TMEM135: variants seen among roughly 807,000 people sequenced by gnomAD.
The protein encoded by TMEM135 is transmembrane protein 135, also known as peroxisomal membrane protein 52.
A neutral mutation model predicts 60.3 loss-of-function variants in TMEM135; 30 were observed. That is an observed-to-expected ratio of 0.50 (90% CI 0.37 to 0.68). The LOEUF (loss-of-function observed/expected upper bound fraction) is 0.68. TMEM135 is among the 30% of genes least tolerant of loss of function. TMEM135 has a pLI of 0.00. For synonymous variants in TMEM135, 190 were observed against 186.7 expected (o/e 1.02, Z -0.14); for missense variants, 468 against 548.8 (o/e 0.85, Z 1.47).
intron 10 of TMEM135, among the ~76,000 whole-genome samples, chr11:87,313,155 T>A (rs1417460225): frequency 2.0e-5 from 3 of 151,902 alleles, no homozygotes; most frequent in Non-Finnish European, 4.4e-5. Flanking sequence ...ATTCGATAGC[T>A]AGGCAAAAGT....
chr11:87,092,523 A>G (rs772992974), intron 4 of TMEM135, among the ~76,000 whole-genome samples: 4 of 152,202 alleles, frequency 2.6e-5, no homozygotes, highest in Non-Finnish European at 5.9e-5. Context: ...AAGTAAATTT[A>G]TTTTAAAATA....
At chr11:87,050,373 C>A (rs1949830163) in intron 1 of TMEM135, among the ~76,000 whole-genome samples, 1 of 57,464 alleles carries the variant, frequency 1.7e-5, no homozygotes, top group African/African-American at 1.3e-4. Flanking sequence ...TCAATGAATC[C>A]AGGAGCTGGT....
At chr11:87,309,835 A>G (rs560684697) in intron 10 of TMEM135, among the ~76,000 whole-genome samples, 163 bp downstream of exon 10, 1 of 152,300 alleles carries the variant, frequency 6.6e-6, no homozygotes, top group African/African-American at 2.4e-5. Context: ...AAGTGAGGGT[A>G]CAGAAATTTC....
intron 6 of TMEM135, among the ~76,000 whole-genome samples, chr11:87,284,870 A>G (rs1379832518): frequency 6.6e-6 from 1 of 152,226 alleles, no homozygotes. Context: ...TTCTCATACT[A>G]AGTGCCATAT....
At chr11:87,163,207 T>G (rs1938939407) in intron 5 of TMEM135, among the ~76,000 whole-genome samples, 1 of 116,890 alleles carries the variant, frequency 8.6e-6, no homozygotes. Context: ...CCCACCACAG[T>G]CCCCGGAGTG....
At chr11:87,227,953 C>T (rs531609530) in intron 5 of TMEM135, among the ~76,000 whole-genome samples, 2 of 152,230 alleles carry the variant, frequency 1.3e-5, no homozygotes, top group African/African-American at 2.4e-5. Flanking sequence ...AACGTATCTA[C>T]GTATGTGGTT....
intron 1 of TMEM135, among the ~76,000 whole-genome samples, 167 bp downstream of exon 1, chr11:87,038,353 G>GGATATACCAATT (rs2135098300): frequency 6.6e-6 from 1 of 152,158 alleles, no homozygotes; most frequent in South Asian, 2.1e-4. Flanking sequence ...GAGGTCGCAA[G>GGATATACCAATT]GGAAGGATAT....
intron 12 of TMEM135, among the ~76,000 whole-genome samples, chr11:87,317,125 A>G (rs766019591): frequency 6.6e-6 from 1 of 152,024 alleles, no homozygotes; most frequent in East Asian, 1.9e-4. Flanking sequence ...TGTGCTAGGT[A>G]CTGGAAAGAA....
chr11:87,294,708 A>G (rs1942320104), intron 6 of TMEM135, among the ~76,000 whole-genome samples: 1 of 152,224 alleles, frequency 6.6e-6, no homozygotes, highest in South Asian at 2.1e-4. Context: ...ATCTAAGAAT[A>G]TCCAGTGTCT....
chr11:87,217,784 CAA>C (rs143712597), intron 5 of TMEM135, among the ~76,000 whole-genome samples: 4 of 135,900 alleles, frequency 2.9e-5, no homozygotes, highest in Admixed American at 7.4e-5. Flanking sequence ...AACTCTGTCT[CAA>C]AAAAAAAAAA....
intron 5 of TMEM135, among the ~76,000 whole-genome samples, chr11:87,193,167 C>G (rs561434798): frequency 6.6e-6 from 1 of 152,128 alleles, no homozygotes; most frequent in East Asian, 1.9e-4. Context: ...AATAGGCCAT[C>G]ATTAAGTTAA....
rs367791204 is a variant in TMEM135 at position 87,098,580 on chromosome 11, ATAAACT to A, written c.396+7190_396+7195del. On this transcript the variant is annotated intron_variant, in intron 4 of 14. Transcript: ENST00000305494. Reference sequence around the variant, plus strand: ...TGAAGAAATCATCTACTTTAAAATGATAAACTTAAATTATTAAGTGATAATAAATAC... The same window carrying A: ...TGAAGAAATCATCTACTTTAAAATGATAAATTATTAAGTGATAATAAATAC... Among the ~76,000 whole-genome samples the A allele has an allele frequency of 5.9e-3, 905 of 152,274 alleles. 12 individuals carry two copies. Among genetic ancestry groups the A allele is most frequent in the African/African-American group, 0.02 (848 of 41,566 alleles).
chr11:87,072,158 C>G (rs1856784369), intron 3 of TMEM135, among the ~76,000 whole-genome samples: 1 of 152,190 alleles, frequency 6.6e-6, no homozygotes, highest in South Asian at 2.1e-4. Context: ...CATGCCACCA[C>G]ACTTCAGTCT....
chr11:87,219,518 G>A (rs958231480), intron 5 of TMEM135, among the ~76,000 whole-genome samples: 12 of 152,114 alleles, frequency 7.9e-5, no homozygotes, highest in Non-Finnish European at 1.6e-4. Context: ...GCGAAAGAGC[G>A]AGCAAGGAGC....
chr11:87,102,554 T>C (rs1315041044), intron 4 of TMEM135, among the ~76,000 whole-genome samples: 1 of 152,046 alleles, frequency 6.6e-6, no homozygotes, highest in Non-Finnish European at 1.5e-5. Flanking sequence ...CTTTTCCGTA[T>C]GAGCCAACCA....
intron 11 of TMEM135, among the ~76,000 whole-genome samples, chr11:87,314,088 T>A (rs1352435360): frequency 6.6e-6 from 1 of 151,766 alleles, no homozygotes; most frequent in African/African-American, 2.4e-5. Flanking sequence ...TAACCATCAT[T>A]TGAGCTATTT....
At chr11:87,053,080 C>G (rs866269163) in intron 1 of TMEM135, among the ~76,000 whole-genome samples, 1 of 128,498 alleles carries the variant, frequency 7.8e-6, no homozygotes, top group East Asian at 2.3e-4. Context: ...AACGAAACAC[C>G]GCATATTCTC....
At chr11:87,263,790 G>C (rs1244259071) in intron 6 of TMEM135, among the ~76,000 whole-genome samples, 1 of 152,046 alleles carries the variant, frequency 6.6e-6, no homozygotes, top group Non-Finnish European at 1.5e-5. Context: ...TCACACAGCA[G>C]TTAGTGGCAG....
In TMEM135 at chr11:87,056,199, G is replaced by T. The variant is rs141346543; in HGVS notation, c.142-11495G>T. Among the ~76,000 whole-genome samples the T allele has an allele frequency of 3.3e-5, 5 of 152,178 alleles. No homozygotes were observed. In the East Asian group the frequency reaches 5.8e-4, roughly 18 times the overall value. On this transcript the variant is annotated intron_variant, in intron 1 of 14. Coordinates refer to ENST00000305494, the MANE Select transcript of TMEM135 (RefSeq NM_022918.4). ...GATATCTGGCCACTACCAAGTCTGGGTCTGTTTTAGTAAACGTTATTAATT... is the reference window on the plus strand; with the variant it reads ...GATATCTGGCCACTACCAAGTCTGGTTCTGTTTTAGTAAACGTTATTAATT...
Sources: allele counts gnomAD v4.1 joint callset (sites outside exome capture counted in the v4.1 genomes callset), GRCh38; gene constraint gnomAD v4.1.1; transcripts MANE v1.5; gene names NCBI Gene and HGNC (gene_info 2026-07-23, HGNC 2026-07-21).